Variants in FAIM observed in about 807,000 individuals in gnomAD.
The protein encoded by FAIM is Fas apoptotic inhibitory molecule.
A neutral mutation model predicts 21.2 loss-of-function variants in FAIM; 14 were observed. That is an observed-to-expected ratio of 0.66 (90% CI 0.44 to 1.03). The LOEUF is 1.03. Among genes scored for constraint, FAIM ranks in the 50% least tolerant of loss-of-function variants. The probability of loss-of-function intolerance (pLI) is 0.00; values close to 1 mark genes in which losing one functional copy is unlikely to be tolerated. For missense variants in FAIM, 222 were observed against 247.1 expected, an observed-to-expected ratio of 0.90 and a Z score of 0.68; for synonymous variants, 86 against 80.4, an observed-to-expected ratio of 1.07 and a Z score of -0.37.
chr3:138,609,533 ACTCTCTCTCTCTCTCTCTCTCTCTCTCT>A (rs1286573079), intron 1 of FAIM, among the ~76,000 whole-genome samples: 2 of 3,368 alleles, frequency 5.9e-4, no homozygotes, highest in African/African-American at 9.3e-4. Flanking sequence ...AAGTGCTGAA[ACTCTCTCTCTCTCTCTCTCTCTCTCTCT>A]CTCTCTCTCT....
chr3:138,630,222 T>A (rs933761431), intron 5 of FAIM: 2 of 152,132 alleles, frequency 1.3e-5, no homozygotes, highest in Non-Finnish European at 2.9e-5. Flanking sequence ...TTTTGGTAGT[T>A]GGAGGAAAGG....
At chr3:138,620,539 G>A (rs569401713) in intron 2 of FAIM, among the ~76,000 whole-genome samples, 11 of 152,098 alleles carry the variant, frequency 7.2e-5, no homozygotes, top group South Asian at 6.2e-4. Flanking sequence ...TCTTTCACCC[G>A]GGCTGGAACG....
chr3:138,617,552 T>C (rs1326782509), intron 1 of FAIM, among the ~76,000 whole-genome samples: 2 of 146,926 alleles, frequency 1.4e-5, no homozygotes, highest in Non-Finnish European at 3.0e-5. Context: ...TATCTACCTA[T>C]CTGTCTATCT....
At chr3:138,624,503 T>C (rs149196626) in intron 4 of FAIM, among the ~76,000 whole-genome samples, 149 of 152,324 alleles carry the variant, frequency 9.8e-4, no homozygotes, top group African/African-American at 3.5e-3. Context: ...AGCCTGGAAA[T>C]GAGACAGAGT....
chr3:138,620,443 A>G (rs1426960445), intron 2 of FAIM, among the ~76,000 whole-genome samples: 1 of 152,214 alleles, frequency 6.6e-6, no homozygotes, highest in Admixed American at 6.5e-5. Flanking sequence ...ATATATTAAC[A>G]TCAAAAATAT....
intron 1 of FAIM, among the ~76,000 whole-genome samples, chr3:138,609,603 T>TCTCGA (rs2108328882): frequency 1.2e-5 from 1 of 84,856 alleles, no homozygotes; most frequent in South Asian, 4.6e-4. Context: ...ACTCTCTCTC[T>TCTCGA]CTCTCTCTCG....
Position 138,621,488 on chromosome 3 carries a change from A to C in FAIM, c.126A>C (p.Glu42Asp). 1 of 1,614,044 alleles carries C rather than the reference A, an allele frequency of 6.2e-7. No homozygotes were observed. The highest frequency in any genetic ancestry group is 8.5e-7 in the Non-Finnish European group (1 of 1,179,940). ...TAAGTGACGGAGTCCACAAGATCGA[A>C]TTTGAACATGGGACTACATCAGGCA... ...VALSDGVHKI[E>D]FEHGTTSGKR... The change falls in exon 3 of 6, where the codon GAA (glutamate) becomes GAC (aspartate). Residue 42 changes from glutamate to aspartate, a missense_variant. Physicochemically the swap from Glu to Asp is conservative, Grantham distance 45. Transcript: ENST00000360570.
chr3:138,624,225 T>C (rs533703190), intron 4 of FAIM, among the ~76,000 whole-genome samples: 3 of 152,314 alleles, frequency 2.0e-5, no homozygotes, highest in African/African-American at 7.2e-5. Flanking sequence ...ATATGGGACT[T>C]TAACAGATGA....
intron 3 of FAIM, among the ~76,000 whole-genome samples, chr3:138,621,911 T>C (rs1370944952): frequency 1.3e-5 from 2 of 152,140 alleles, no homozygotes; most frequent in Non-Finnish European, 2.9e-5. Flanking sequence ...GCCTCTCAAG[T>C]AGCTGGGATT....
Position 138,632,978 on chromosome 3 carries a change from C to T in FAIM, c.505C>T (p.His169Tyr), listed in dbSNP as rs750008531. Residue 169 changes from histidine to tyrosine, a missense_variant, in exon 6 of 6, where the codon CAT (histidine) becomes TAT (tyrosine). Coordinates refer to ENST00000360570, the MANE Select transcript of FAIM (RefSeq NM_001033031.2). ...TGAAACTCACTTCAGTATCGGGAAC[C>T]ATGACTGTTACATAAAGGCTGTCAG... is the stretch of plus-strand genomic sequence containing the variant. ...GTETHFSIGNHDCYIKAVSSG... is the reference protein window; with the variant it reads ...GTETHFSIGNYDCYIKAVSSG... 2 of 1,613,678 alleles carry T rather than the reference C, an allele frequency of 1.2e-6. No individual in the cohort carries two copies. The highest frequency in any genetic ancestry group is 8.5e-7 in the Non-Finnish European group (1 of 1,179,826).
At position 138,621,476 on chromosome 3, in the gene FAIM, C is replaced by G. The variant is rs2042884233; in HGVS notation, c.114C>G (p.Val38=). ...GGGATGTTGCTTTAAGTGACGGAGT[C>G]CACAAGATCGAATTTGAACATGGGA... ...AVWDVALSDG[V]HKIEFEHGTT... is the part of the protein sequence containing the mutation. The change falls in exon 3 of 6, where the codon GTC becomes GTG. Residue 38 remains valine, a synonymous_variant. Transcript: ENST00000360570. The G allele has an allele frequency of 1.2e-6, 2 of 1,613,702 alleles. No individual in the cohort carries two copies. The highest frequency in any genetic ancestry group is 1.1e-5 in the South Asian group (1 of 91,072).
intron 2 of FAIM, among the ~76,000 whole-genome samples, chr3:138,620,713 T>C (rs907053170): frequency 2.0e-5 from 3 of 152,168 alleles, no homozygotes; most frequent in Admixed American, 2.0e-4. Context: ...GGTCTGGAAC[T>C]CCTGGGCTCA....
At chr3:138,622,062 G>A in intron 3 of FAIM, 126 bp from the exon 4 acceptor site, 1 of 801,012 alleles carries the variant, frequency 1.2e-6, no homozygotes, top group Non-Finnish European at 1.9e-6. Context: ...TTACAGGCAT[G>A]AGCCACCACT....
At chr3:138,619,930 A>G (rs1577011152) in intron 2 of FAIM, among the ~76,000 whole-genome samples, 160 bp downstream of exon 2, 1 of 152,218 alleles carries the variant, frequency 6.6e-6, no homozygotes. Flanking sequence ...AGTAGTAAAT[A>G]CCTGGCGTGG....
At chr3:138,617,211 A>G (rs1269234682) in intron 1 of FAIM, among the ~76,000 whole-genome samples, 1 of 151,634 alleles carries the variant, frequency 6.6e-6, no homozygotes, top group Non-Finnish European at 1.5e-5. Flanking sequence ...CTTATAATAG[A>G]AAACAGAGCA....
chr3:138,620,819 T>A (rs1220263712), intron 2 of FAIM, among the ~76,000 whole-genome samples: 3 of 152,234 alleles, frequency 2.0e-5, no homozygotes, highest in Non-Finnish European at 4.4e-5. Context: ...AAATAAGATT[T>A]CCTGTAATAA....
chr3:138,609,335 C>G (rs943275027), intron 1 of FAIM, among the ~76,000 whole-genome samples: 1 of 151,934 alleles, frequency 6.6e-6, no homozygotes, highest in African/African-American at 2.4e-5. Context: ...CTCCTCCGGC[C>G]TGTTCGCGAC....
intron 4 of FAIM, among the ~76,000 whole-genome samples, chr3:138,625,362 C>T (rs1390196095): frequency 6.6e-6 from 1 of 151,902 alleles, no homozygotes; most frequent in Non-Finnish European, 1.5e-5. Flanking sequence ...ACTCGGGAGG[C>T]TGAGGCAGGA....
intron 4 of FAIM, among the ~76,000 whole-genome samples, chr3:138,622,994 C>T (rs967223096): frequency 4.0e-5 from 6 of 149,694 alleles, no homozygotes; most frequent in African/African-American, 9.9e-5. Flanking sequence ...GAGCCGAGAT[C>T]GCACCACTGC....
Sources: gnomAD v4.1 joint callset for allele counts (sites outside exome capture counted in the v4.1 genomes callset) on GRCh38, gnomAD v4.1.1 for gene constraint, MANE v1.5 for transcripts, NCBI Gene and HGNC (gene_info 2026-07-23, HGNC 2026-07-21) for gene names.